The following KRT28 variants were observed in gnomAD, a reference collection of about 807,000 sequenced individuals.
KRT28 encodes keratin, type I cytoskeletal 28.
Under a neutral mutation model 48.1 loss-of-function variants are expected in KRT28, and 45 were observed. That is an observed-to-expected ratio of 0.94 (90% CI 0.74 to 1.20). KRT28 has a LOEUF of 1.20. KRT28 is among the 50% of genes most tolerant of loss of function. KRT28 has a pLI of 0.00. For synonymous variants in KRT28, 228 were observed against 227.4 expected (o/e 1.00, Z -0.03); for missense variants, 571 against 574.1 (o/e 0.99, Z 0.06).
intron 2 of KRT28, 119 bp downstream of exon 2, chr17:40,798,798 T>C (rs956224286): frequency 3.6e-5 from 24 of 675,276 alleles, no homozygotes; most frequent in Non-Finnish European, 5.4e-5. Context: ...ACAAATCCTT[T>C]GCTTCCTTTT....
At chr17:40,796,013 T>G (rs1285254352) in intron 5 of KRT28, among the ~76,000 whole-genome samples, 11 of 152,018 alleles carry the variant, frequency 7.2e-5, no homozygotes. Context: ...AAAACAAGTC[T>G]CCCATCTAAA....
intron 7 of KRT28, 27 bp from the exon 8 acceptor site, chr17:40,792,596 T>C: frequency 6.4e-7 from 1 of 1,560,252 alleles, no homozygotes. Flanking sequence ...GGCATACATA[T>C]ATTCAACCAA....
In KRT28 at chr17:40,799,723, A is replaced by G. The variant is rs759645293; in HGVS notation, c.171T>C (p.Pro57=). The change falls in exon 1 of 8, where the codon CCT becomes CCC. Residue 57 remains proline, a synonymous_variant. Transcript: ENST00000306658. ...GGGCACCACCAGCATGGCTCCCACC[A>G]GGAACACTGCCCAAGCCCCCTCCCA... ...CALGGGLGSV[P]GGSHAGGALG... 6.2e-7 allele frequency: 1 copy of G among 1,614,042 alleles called. No individual in the cohort carries two copies. The highest frequency in any genetic ancestry group is 8.5e-7 in the Non-Finnish European group (1 of 1,179,990).
chr17:40,799,080 C>T, intron 1 of KRT28, 81 bp from the exon 2 acceptor site: 1 of 919,968 alleles, frequency 1.1e-6, no homozygotes, highest in Non-Finnish European at 1.6e-6. Context: ...AAAAAGGTTA[C>T]TCAAGTTTTT....
intron 3 of KRT28, 115 bp downstream of exon 3, chr17:40,798,120 G>T: frequency 9.8e-7 from 1 of 1,017,782 alleles, no homozygotes; most frequent in Non-Finnish European, 1.4e-6. Context: ...GTCTGTATCC[G>T]TTGGCAAATT....
At chr17:40,795,267 G>A (rs969694315) in intron 5 of KRT28, among the ~76,000 whole-genome samples, 1 of 152,164 alleles carries the variant, frequency 6.6e-6, no homozygotes, top group Non-Finnish European at 1.5e-5. Flanking sequence ...TAAGGCAACA[G>A]GTAGCAAGAC....
rs755994795 is a variant in KRT28 at position 40,793,948 on chromosome 17, C to T, written c.1077G>A (p.Leu359=). 2.5e-6 allele frequency: 4 copies of T among 1,613,846 alleles called. No individual in the cohort carries two copies. The highest frequency in any genetic ancestry group is 3.4e-6 in the Non-Finnish European group (4 of 1,179,870). Residue 359 remains leucine (L), a synonymous_variant, in exon 6 of 8, where the codon CTG becomes CTA. Coordinates refer to ENST00000306658, the MANE Select transcript of KRT28 (RefSeq NM_181535.3). ...CCTCGGTCTCGGTTCTGACCTGGTGCAGCTGCTCCTCCAGGGCCCCGATCT... is the reference window on the plus strand; with the variant it reads ...CCTCGGTCTCGGTTCTGACCTGGTGTAGCTGCTCCTCCAGGGCCCCGATCT... ...QAQIGALEEQ[L]HQVRTETEGQ...
chr17:40,798,948 C>A lies in KRT28; in HGVS notation c.502G>T (p.Ala168Ser). 1 of 1,608,738 alleles carries A rather than the reference C, an allele frequency of 6.2e-7. No individual in the cohort carries two copies. The highest frequency in any genetic ancestry group is 1.1e-5 in the South Asian group (1 of 89,732). Residue 168 changes from alanine (A) to serine (S), a missense_variant, in exon 2 of 8, where the codon GCC becomes TCC. Transcript: ENST00000306658. ...NANVILQIDNARLAADDFRLK... is the reference protein window; with the variant it reads ...NANVILQIDNSRLAADDFRLK... ...CTGAAATCATCAGCAGCCAGTCTGG[C>A]ATTATCAATCTGCAGAATGACATTA...
At chr17:40,797,321 G>A (rs369576715) in intron 3 of KRT28, 40 bp from the exon 4 acceptor site, 49 of 1,582,254 alleles carry the variant, frequency 3.1e-5, no homozygotes, top group Non-Finnish European at 3.5e-5. Flanking sequence ...GGCATTGCAG[G>A]TTCACACTCA....
rs537219094 is a variant in KRT28 at position 40,794,036 on chromosome 17, A to T, written c.989T>A (p.Leu330Gln). Residue 330 changes from leucine to glutamine, a missense_variant, in exon 6 of 8, where the codon CTG becomes CAG. Coordinates refer to ENST00000306658, the MANE Select transcript of KRT28 (RefSeq NM_181535.3). ...CTCGGTCTCTGTCAAGGAGCACTCC[A>T]GGGAGTGTTTCTGAGGACATCAAAG... ...LQSLMATKHS[L>Q]ECSLTETESN... 26 of 1,613,860 alleles carry T rather than the reference A, an allele frequency of 1.6e-5. No homozygotes were observed. Among genetic ancestry groups the T allele is most frequent in the Non-Finnish European group, 2.1e-5 (25 of 1,179,864 alleles).
intron 6 of KRT28, 124 bp from the exon 7 acceptor site, chr17:40,793,334 C>CT (rs1299377243): frequency 1.8e-6 from 1 of 551,030 alleles, no homozygotes; most frequent in African/African-American, 2.0e-5. Context: ...AGAGGAAACT[C>CT]TTAAGATTTT....
chr17:40,797,169 G>A lies in KRT28; in HGVS notation c.803C>T (p.Ala268Val), dbSNP rs1005530843. 1 of 1,614,042 alleles carries A rather than the reference G, an allele frequency of 6.2e-7. No individual in the cohort carries two copies. The highest frequency in any genetic ancestry group is 1.3e-5 in the African/African-American group (1 of 74,918). The change falls in exon 4 of 8, where the codon GCC (alanine) becomes GTC (valine). Residue 268 changes from alanine to valine, a missense_variant. By Grantham distance (64) the Ala-to-Val change is moderately conservative. Transcript: ENST00000306658. ...GTCCTTGCGGTTCTGCTCTGCAAGG[G>A]CTTCGTACTCCGCTCGCATGTTGTT... ...LLNNMRAEYE[A>V]LAEQNRKDAE...
Position 40,798,304 on chromosome 17 carries a change from C to T in KRT28, c.621G>A (p.Arg207=), listed in dbSNP as rs1486033410. 1 of 1,613,678 alleles carries T rather than the reference C, an allele frequency of 6.2e-7. No homozygotes were observed. Residue 207 remains arginine (R), a synonymous_variant, in exon 3 of 8, where the codon AGG becomes AGA. Transcript: ENST00000306658. ...ACTCATATTGCAGCTCCTGGTCGGT[C>T]CTGCAGAGCGTCAGCTCGTCCAGGA... The part of the protein sequence containing the change: ...RRVLDELTLC[R]TDQELQYESL...
rs1321068290 is a variant in KRT28, at chr17:40,799,005, A to G, written c.451-6T>C. 8.5e-6 allele frequency: 13 copies of G among 1,538,236 alleles called. No individual in the cohort carries two copies. The highest frequency in any genetic ancestry group is 1.7e-5 in the Admixed American group (1 of 57,590). On this transcript the variant is annotated splice_region_variant and splice_polypyrimidine_tract_variant and intron_variant, in intron 1 of 7. Transcript: ENST00000306658. ...GTAGTAGTGGAGGAGATAATCTAGA[A>G]TAAACCAAAACAGAGAACACAACAA...
chr17:40,797,486 C>T (rs561192079), intron 3 of KRT28, among the ~76,000 whole-genome samples: 4 of 152,314 alleles, frequency 2.6e-5, no homozygotes, highest in African/African-American at 9.6e-5. Flanking sequence ...AGGTGGCTCA[C>T]TCCTGTAATC....
chr17:40,794,067 G>A (rs770158838), intron 5 of KRT28, 21 bp from the exon 6 acceptor site: 10 of 1,613,156 alleles, frequency 6.2e-6, no homozygotes, highest in Admixed American at 3.3e-5. Context: ...CAAAGAAGCC[G>A]TGGCAAGGGA....
At chr17:40,798,881 C>G (rs183147626) in intron 2 of KRT28, 36 bp downstream of exon 2, 1 of 1,380,390 alleles carries the variant, frequency 7.2e-7, no homozygotes, top group Admixed American at 1.9e-5. Flanking sequence ...TAAATAGAAA[C>G]TTTTTTCTAG....
intron 3 of KRT28, 126 bp downstream of exon 3, chr17:40,798,109 T>G: frequency 4.8e-6 from 4 of 831,104 alleles, no homozygotes; most frequent in Non-Finnish European, 7.6e-6. Context: ...TAGACTAATC[T>G]GTCTGTATCC....
At chr17:40,796,779 C>A in intron 5 of KRT28, 137 bp downstream of exon 5, 4 of 1,183,496 alleles carry the variant, frequency 3.4e-6, no homozygotes, top group Non-Finnish European at 3.5e-6. Context: ...TCTGTTTTTT[C>A]CTGCTCTCCT....
Sources: allele counts gnomAD v4.1 joint callset (sites outside exome capture counted in the v4.1 genomes callset), GRCh38; gene constraint gnomAD v4.1.1; transcripts MANE v1.5; gene names NCBI Gene and HGNC (gene_info 2026-07-23, HGNC 2026-07-21).